MYCBPAP: variants seen among roughly 807,000 people sequenced by gnomAD.
MYCBPAP encodes MYCBP-associated protein.
Under a neutral mutation model 106.1 loss-of-function variants are expected in MYCBPAP, and 60 were observed. That is an observed-to-expected ratio of 0.57 (90% CI 0.46 to 0.70). MYCBPAP has a LOEUF of 0.70. Among genes scored for constraint, MYCBPAP ranks in the 30% least tolerant of loss-of-function variants. The probability of loss-of-function intolerance (pLI) is 0.00; values close to 1 mark genes in which losing one functional copy is unlikely to be tolerated. For synonymous variants in MYCBPAP, 407 were observed against 440.6 expected (o/e 0.92, Z 0.95); for missense variants, 1,064 against 1,169.3 (o/e 0.91, Z 1.31).
chr17:50,516,034 G>C (rs549560225), intron 1 of MYCBPAP: 2 of 153,480 alleles, frequency 1.3e-5, no homozygotes, highest in Admixed American at 1.3e-4. Context: ...CTGTTGCCCA[G>C]GTTAGAGTGC....
Position 50,526,179 on chromosome 17 carries a change from G to A in MYCBPAP, c.2081G>A (p.Ser694Asn). ...SIMEEILVEE[S>N]PDVDSTKSPW... ...ATGGAGGAGATCCTGGTGGAGGAAA[G>A]CCCAGATGTGGACAGCACCAAGAGC... The change falls in exon 14 of 19, where the codon AGC becomes AAC. Residue 694 changes from serine to asparagine, a missense_variant. By Grantham distance (46) the Ser-to-Asn change is conservative. Coordinates refer to ENST00000323776, the MANE Select transcript of MYCBPAP (RefSeq NM_032133.6). The A allele has an allele frequency of 1.2e-6, 2 of 1,613,534 alleles. No homozygotes were observed. Among genetic ancestry groups the A allele is most frequent in the Non-Finnish European group, 8.5e-7 (1 of 1,179,904 alleles).
At chr17:50,509,331 G>A in intron 1 of MYCBPAP, 2 of 586,626 alleles carry the variant, frequency 3.4e-6, no homozygotes, top group Admixed American at 2.7e-5. Context: ...CACTTATCCA[G>A]CTCCTTTAGC....
intron 1 of MYCBPAP, chr17:50,515,737 C>G (rs1185798473): frequency 6.6e-6 from 1 of 152,238 alleles, no homozygotes; most frequent in Non-Finnish European, 1.5e-5. Flanking sequence ...TCTTTCTACA[C>G]ATGGAAAGCC....
Position 50,517,329 on chromosome 17 carries a change from C to T in MYCBPAP, c.241C>T (p.Arg81Cys), listed in dbSNP as rs141768814. Reference sequence around the variant, plus strand: ...TCGCCTTACTGAAAAGGAAGATAAACGTGTCATCACCCAGAAATTTATCAT... The same window carrying T: ...TCGCCTTACTGAAAAGGAAGATAAATGTGTCATCACCCAGAAATTTATCAT... ...IPRLTEKEDK[R>C]VITQKFIIRK... The change falls in exon 3 of 19, where the codon CGT becomes TGT. Residue 81 changes from arginine to cysteine, a missense_variant. Transcript: ENST00000323776. 223 of 1,614,114 alleles carry T rather than the reference C, an allele frequency of 1.4e-4. No homozygotes were observed. The highest frequency in any genetic ancestry group is 3.3e-4 in the Middle Eastern group (2 of 6,062).
At chr17:50,519,840 G>A (rs1473050477) in intron 7 of MYCBPAP, 53 bp downstream of exon 7, 2 of 1,576,574 alleles carry the variant, frequency 1.3e-6, no homozygotes, top group Non-Finnish European at 1.7e-6. Flanking sequence ...CCCGGAGGCA[G>A]GGTAGTGTGG....
chr17:50,526,414 C>CTATCTATTTATT (rs149225883), intron 14 of MYCBPAP, 147 bp downstream of exon 14: 87 of 369,844 alleles, frequency 2.4e-4, no homozygotes, highest in East Asian at 5.2e-4. Context: ...ATCTATCTAT[C>CTATCTATTTATT]TATTTATTTA....
At position 50,524,994 on chromosome 17, in the gene MYCBPAP, G is replaced by A; in HGVS notation, c.1753G>A (p.Glu585Lys). 1 of 1,613,704 alleles carries A rather than the reference G, an allele frequency of 6.2e-7. No individual in the cohort carries two copies. The part of the protein sequence containing the change: ...PSPVDAYLTE[E>K]DLFRHRNPPL... ...ACCTGTGGATGCCTATCTCACCGAG[G>A]AAGACTTGTTCCGGCACAGAAATCC... The change falls in exon 13 of 19, where the codon GAA becomes AAA. Residue 585 changes from glutamate to lysine, a missense_variant. By Grantham distance (56) the Glu-to-Lys change is moderately conservative. Transcript: ENST00000323776.
chr17:50,527,318 G>C lies in MYCBPAP; in HGVS notation c.2201G>C (p.Arg734Thr), dbSNP rs61754788. The C allele has an allele frequency of 0.017, 27,958 of 1,614,156 alleles. 318 individuals carry two copies. The highest frequency in any genetic ancestry group is 0.024 in the South Asian group (2,177 of 91,080). The change falls in exon 15 of 19, where the codon AGA becomes ACA. Residue 734 changes from arginine (R) to threonine (T), a missense_variant. Coordinates refer to ENST00000323776, the MANE Select transcript of MYCBPAP (RefSeq NM_032133.6). ...ATGGTGCTCCCTGATGAGAACCACAGAGAGGATGCGTTGATGAGGCTCAAC... is the reference window on the plus strand; with the variant it reads ...ATGGTGCTCCCTGATGAGAACCACACAGAGGATGCGTTGATGAGGCTCAAC... ...AVMVLPDENH[R>T]EDALMRLNKA...
At chr17:50,526,994 C>T (rs868356410) in intron 14 of MYCBPAP, among the ~76,000 whole-genome samples, 2 of 152,222 alleles carry the variant, frequency 1.3e-5, no homozygotes, top group Non-Finnish European at 2.9e-5. Flanking sequence ...GGATTATAGG[C>T]GTGAGCCACT....
intron 4 of MYCBPAP, 50 bp downstream of exon 4, chr17:50,517,748 T>C (rs56994118): frequency 0.2 from 308,964 of 1,518,752 alleles, 42,829 homozygotes; most frequent in African/African-American, 0.72. Context: ...GAAGTCATTT[T>C]GGTCTCCCAC....
In MYCBPAP at chr17:50,511,647, G is replaced by A. The variant is rs1277386743; in HGVS notation, c.76+2897G>A. ...TCCGACAAGAGACTGACTACCCCGT[G>A]CAAGCGGGGTGGTCTCTTTTACCCC... On this transcript the variant is annotated intron_variant, in intron 1 of 18. Coordinates refer to ENST00000323776, the MANE Select transcript of MYCBPAP (RefSeq NM_032133.6). Among the ~76,000 whole-genome samples, 11 of 152,192 alleles carry A rather than the reference G, an allele frequency of 7.2e-5. No individual in the cohort carries two copies. In the East Asian group the frequency reaches 2.1e-3, roughly 29 times the overall value.
intron 1 of MYCBPAP, chr17:50,510,499 G>GTATGTATGTATA (rs1555618059): frequency 2.6e-5 from 2 of 76,414 alleles, no homozygotes; most frequent in African/African-American, 9.2e-5. Context: ...GTGTGTGTGT[G>GTATGTATGTATA]TATATATATA....
At chr17:50,525,162 T>C (rs1341816503) in intron 13 of MYCBPAP, 139 bp downstream of exon 13, 18 of 1,013,224 alleles carry the variant, frequency 1.8e-5, no homozygotes, top group Non-Finnish European at 2.4e-5. Flanking sequence ...AGATCAGCGG[T>C]GGCATTAGAT....
chr17:50,521,545 C>T (rs1480775495), intron 9 of MYCBPAP, 114 bp downstream of exon 9: 2 of 763,766 alleles, frequency 2.6e-6, no homozygotes, highest in South Asian at 1.7e-5. Flanking sequence ...TAGCTTCTGT[C>T]CAGTGGTTGC....
chr17:50,508,234 C>A, upstream of MYCBPAP: 1 of 308,226 alleles, frequency 3.2e-6, no homozygotes, highest in Non-Finnish European at 5.9e-6. Context: ...GGGCTGGCAC[C>A]CCCGACGCCC....
chr17:50,511,820 A>G (rs964240934), intron 1 of MYCBPAP, among the ~76,000 whole-genome samples: 5 of 152,058 alleles, frequency 3.3e-5, no homozygotes, highest in South Asian at 2.1e-4. Flanking sequence ...GTCTTCCTGC[A>G]GGTCCTAAAA....
At chr17:50,517,818 T>A (rs2034109441) in intron 4 of MYCBPAP, 120 bp downstream of exon 4, 2 of 813,234 alleles carry the variant, frequency 2.5e-6, no homozygotes, top group Non-Finnish European at 4.0e-6. Context: ...GTTTTGAGTC[T>A]GAGTTGATAA....
intron 12 of MYCBPAP, 78 bp from the exon 13 acceptor site, chr17:50,524,799 T>C: frequency 6.6e-7 from 1 of 1,514,574 alleles, no homozygotes; most frequent in Non-Finnish European, 9.0e-7. Context: ...CACAAAGTCC[T>C]GGGGGCTCCA....
intron 2 of MYCBPAP, 42 bp from the exon 3 acceptor site, chr17:50,517,251 G>A: frequency 1.3e-6 from 2 of 1,582,520 alleles, no homozygotes; most frequent in Non-Finnish European, 1.7e-6. Context: ...TCTTCCTCCT[G>A]CCACCACAGG....
Sources: allele counts gnomAD v4.1 joint callset (sites outside exome capture counted in the v4.1 genomes callset), GRCh38; gene constraint gnomAD v4.1.1; transcripts MANE v1.5; gene names NCBI Gene and HGNC (gene_info 2026-07-23, HGNC 2026-07-21).